Variants in GAK observed in about 807,000 individuals in gnomAD.
GAK encodes cyclin G associated kinase, also known as cyclin-G-associated kinase.
GAK carries 79 observed loss-of-function variants against 143.9 expected under a neutral mutation model. That is an observed-to-expected ratio of 0.55 (90% CI 0.46 to 0.66). The LOEUF (loss-of-function observed/expected upper bound fraction) is 0.66. Among genes scored for constraint, GAK ranks in the 30% least tolerant of loss-of-function variants. The probability of loss-of-function intolerance (pLI) is 0.00; values close to 1 mark genes in which losing one functional copy is unlikely to be tolerated. For missense variants in GAK, 1,693 were observed against 1,779.7 expected, an observed-to-expected ratio of 0.95 and a Z score of 0.88; for synonymous variants, 881 against 765.5, an observed-to-expected ratio of 1.15 and a Z score of -2.49.
At chr4:882,119 C>A in intron 14 of GAK, 79 bp from the exon 15 acceptor site, 7 of 1,464,784 alleles carry the variant, frequency 4.8e-6, no homozygotes, top group Non-Finnish European at 6.4e-6. Context: ...GGCATCCTAC[C>A]CACCCTGTGG....
intron 25 of GAK, chr4:851,351 C>T: frequency 4.4e-6 from 2 of 449,498 alleles, no homozygotes; most frequent in Non-Finnish European, 8.1e-6. Flanking sequence ...CCGCCTCAGC[C>T]TCCCAAAGTG....
At chr4:850,436 C>A in intron 26 of GAK, 1 of 224,158 alleles carries the variant, frequency 4.5e-6, no homozygotes, top group Non-Finnish European at 8.8e-6. Flanking sequence ...AGGTCACAGG[C>A]GCATGTGGCC....
intron 2 of GAK, 137 bp downstream of exon 2, chr4:913,470 A>G: frequency 2.8e-6 from 2 of 701,838 alleles, no homozygotes; most frequent in Non-Finnish European, 5.0e-6. Flanking sequence ...GATTCAGCAG[A>G]AGCAAAAGGG....
intron 24 of GAK, chr4:852,187 C>T: frequency 1.6e-6 from 1 of 611,680 alleles, no homozygotes. Context: ...GACGGGAACA[C>T]TCTGGATGGA....
intron 13 of GAK, 146 bp from the exon 14 acceptor site, chr4:882,965 C>G: frequency 1.9e-6 from 2 of 1,037,430 alleles, no homozygotes; most frequent in Non-Finnish European, 2.8e-6. Context: ...ACCTGAGCAC[C>G]AGGGCTGCCA....
chr4:874,139 G>A (rs965690673), intron 18 of GAK, among the ~76,000 whole-genome samples: 5 of 151,638 alleles, frequency 3.3e-5, no homozygotes, highest in East Asian at 2.0e-4. Flanking sequence ...GTGTGTGCGC[G>A]CTGGTGCTTG....
chr4:882,150 T>A, intron 14 of GAK, 110 bp from the exon 15 acceptor site: 1 of 1,216,140 alleles, frequency 8.2e-7, no homozygotes, highest in Non-Finnish European at 1.1e-6. Context: ...GCAGGGCTGT[T>A]CCTCTCTGAA....
chr4:912,245 TG>T (rs1722175726), intron 3 of GAK: 1 of 440,862 alleles, frequency 2.3e-6, no homozygotes, highest in African/African-American at 2.0e-5. Context: ...GAGGGACATG[TG>T]GCAGTGGACA....
At chr4:928,867 G>A (rs1477731683) in intron 1 of GAK, among the ~76,000 whole-genome samples, 1 of 152,032 alleles carries the variant, frequency 6.6e-6, no homozygotes, top group Non-Finnish European at 1.5e-5. Flanking sequence ...AGGTTCAAGC[G>A]ATTCTCCTGC....
chr4:930,882 G>A (rs1334345873), intron 1 of GAK, among the ~76,000 whole-genome samples: 2 of 152,260 alleles, frequency 1.3e-5, no homozygotes, highest in Middle Eastern at 6.8e-3. Context: ...AGAATTCTGG[G>A]ATAGTCTCCT....
At chr4:883,002 G>A (rs1452949511) in intron 13 of GAK, among the ~76,000 whole-genome samples, 183 bp from the exon 14 acceptor site, 1 of 152,278 alleles carries the variant, frequency 6.6e-6, no homozygotes, top group African/African-American at 2.4e-5. Context: ...AGCTCAGTCA[G>A]CTGTTCCTGG....
chr4:892,782 A>G (rs1717926560), intron 9 of GAK, among the ~76,000 whole-genome samples: 1 of 152,210 alleles, frequency 6.6e-6, no homozygotes, highest in Admixed American at 6.5e-5. Context: ...CCCCAGAAAC[A>G]AAGACACAGG....
intron 1 of GAK, among the ~76,000 whole-genome samples, chr4:928,074 T>G (rs1326938967): frequency 6.6e-4 from 101 of 152,318 alleles, no homozygotes; most frequent in Non-Finnish European, 1.8e-4. Flanking sequence ...CTACTTTTTT[T>G]TGAGATAGAG....
chr4:903,506 G>A (rs1720365213), intron 5 of GAK, among the ~76,000 whole-genome samples: 1 of 152,042 alleles, frequency 6.6e-6, no homozygotes, highest in African/African-American at 2.4e-5. Context: ...GAGGCACTGT[G>A]GGGTCCAGGA....
intron 24 of GAK, among the ~76,000 whole-genome samples, chr4:856,606 T>TCAC (rs369615026): frequency 3.3e-5 from 4 of 119,532 alleles, no homozygotes; most frequent in African/African-American, 1.2e-4. Flanking sequence ...TCACAGCTGC[T>TCAC]CACCACAGGT....
intron 23 of GAK, among the ~76,000 whole-genome samples, 192 bp downstream of exon 23, chr4:864,930 G>C (rs1010630656): frequency 6.6e-6 from 1 of 152,232 alleles, no homozygotes; most frequent in Admixed American, 6.5e-5. Flanking sequence ...ACGTACCCCA[G>C]GCACACCGGG....
At chr4:875,950 G>A (rs1713770405) in intron 18 of GAK, among the ~76,000 whole-genome samples, 1 of 152,192 alleles carries the variant, frequency 6.6e-6, no homozygotes, top group South Asian at 2.1e-4. Flanking sequence ...CAAAAAAAAA[G>A]ACAGACCTCC....
chr4:861,323 G>C (rs1353457039), intron 23 of GAK, among the ~76,000 whole-genome samples: 3 of 152,220 alleles, frequency 2.0e-5, no homozygotes, highest in Admixed American at 1.3e-4. Context: ...GGGTGCAGCA[G>C]CTCATGCCTG....
chr4:883,987 A>G (rs1715710604), intron 12 of GAK, 50 bp downstream of exon 12: 4 of 1,541,384 alleles, frequency 2.6e-6, no homozygotes, highest in Non-Finnish European at 3.6e-6. Flanking sequence ...CTCACTGGGC[A>G]CACAGGGAAG....
Sources: gnomAD v4.1 joint callset for allele counts (sites outside exome capture counted in the v4.1 genomes callset) on GRCh38, gnomAD v4.1.1 for gene constraint, MANE v1.5 for transcripts, NCBI Gene and HGNC (gene_info 2026-07-23, HGNC 2026-07-21) for gene names.